GDPD4: variants seen among roughly 807,000 people sequenced by gnomAD.
GDPD4 encodes the protein glycerophosphodiester phosphodiesterase 6.
GDPD4 carries 60 observed loss-of-function variants against 67.8 expected under a neutral mutation model. The observed-to-expected ratio is 0.88, with a 90% CI of 0.72 to 1.10. The LOEUF is 1.10. Among genes scored for constraint, GDPD4 ranks in the 50% least tolerant of loss-of-function variants. The probability of loss-of-function intolerance (pLI) is 0.00; values close to 1 mark genes in which losing one functional copy is unlikely to be tolerated. For missense variants in GDPD4, 623 were observed against 613.9 expected, an observed-to-expected ratio of 1.01 and a Z score of -0.16; for synonymous variants, 212 against 210.9, an observed-to-expected ratio of 1.00 and a Z score of -0.04.
intron 13 of GDPD4, among the ~76,000 whole-genome samples, chr11:77,237,259 T>C (rs969054159): frequency 5.3e-5 from 8 of 152,190 alleles, no homozygotes; most frequent in Admixed American, 1.3e-4. Flanking sequence ...ACAATCAATG[T>C]CTCTCCTTGC....
At chr11:77,263,180 CAAAAG>C (rs1293023694) in intron 10 of GDPD4, among the ~76,000 whole-genome samples, 3 of 152,028 alleles carry the variant, frequency 2.0e-5, no homozygotes, top group Non-Finnish European at 2.9e-5. Context: ...TGGATCTACA[CAAAAG>C]AATAGTGCCA....
At chr11:77,245,809 G>C (rs914932605) in intron 11 of GDPD4, among the ~76,000 whole-genome samples, 1 of 152,072 alleles carries the variant, frequency 6.6e-6, no homozygotes, top group African/African-American at 2.4e-5. Flanking sequence ...TCCCTTTTCA[G>C]TCACGCTGGC....
At chr11:77,257,322 T>G (rs910902874) in intron 11 of GDPD4, among the ~76,000 whole-genome samples, 11 of 152,192 alleles carry the variant, frequency 7.2e-5, no homozygotes, top group African/African-American at 2.7e-4. Context: ...TTGTTTTGTT[T>G]TCTTTAATCT....
chr11:77,284,345 CAT>C (rs1356092154), intron 3 of GDPD4, among the ~76,000 whole-genome samples: 3 of 151,942 alleles, frequency 2.0e-5, no homozygotes, highest in Non-Finnish European at 2.9e-5. Context: ...TAAAAATAAA[CAT>C]AGAAAAATAT....
At chr11:77,243,631 T>G (rs1958716635) in intron 13 of GDPD4, 63 bp downstream of exon 13, 1 of 1,347,546 alleles carries the variant, frequency 7.4e-7, no homozygotes, top group Non-Finnish European at 1.1e-6. Flanking sequence ...GAAGTTTAAT[T>G]AGAATGTGTA....
chr11:77,254,874 C>A (rs9634031), intron 11 of GDPD4, among the ~76,000 whole-genome samples: 38,907 of 152,066 alleles, frequency 0.26, 6,111 homozygotes, highest in South Asian at 0.43. Flanking sequence ...TAATCATACC[C>A]AACCAATAAA....
intron 13 of GDPD4, among the ~76,000 whole-genome samples, chr11:77,234,960 A>G (rs773272205): frequency 2.1e-5 from 3 of 140,716 alleles, no homozygotes; most frequent in Non-Finnish European, 4.6e-5. Context: ...TTACATTCCC[A>G]CCAACAGTGT....
chr11:77,266,425 A>G (rs1183848371), intron 10 of GDPD4, among the ~76,000 whole-genome samples: 4 of 152,218 alleles, frequency 2.6e-5, no homozygotes, highest in African/African-American at 9.7e-5. Context: ...ACAACTACAG[A>G]TAATACATAA....
intron 10 of GDPD4, among the ~76,000 whole-genome samples, chr11:77,260,261 G>A (rs1393514147): frequency 1.3e-5 from 2 of 148,888 alleles, no homozygotes; most frequent in South Asian, 2.1e-4. Context: ...AGACAAAATC[G>A]CGCCATTGGA....
At chr11:77,245,901 T>A (rs1958773187) in intron 11 of GDPD4, among the ~76,000 whole-genome samples, 1 of 152,208 alleles carries the variant, frequency 6.6e-6, no homozygotes, top group African/African-American at 2.4e-5. Context: ...TAATACCAGC[T>A]CTACCCCTCC....
chr11:77,232,636 C>T (rs571314286), intron 14 of GDPD4, among the ~76,000 whole-genome samples: 1 of 152,274 alleles, frequency 6.6e-6, no homozygotes, highest in South Asian at 2.1e-4. Flanking sequence ...TGTTGCCATG[C>T]CTCTACAAAG....
At chr11:77,231,104 C>CA (rs1345006884) in intron 14 of GDPD4, among the ~76,000 whole-genome samples, 9 of 152,158 alleles carry the variant, frequency 5.9e-5, no homozygotes, top group Admixed American at 5.9e-4. Context: ...ACCACCTAGC[C>CA]ATCAGCCAGA....
At chr11:77,268,425 C>A (rs1057361471) in intron 10 of GDPD4, 32 bp downstream of exon 10, 1 of 1,472,890 alleles carries the variant, frequency 6.8e-7, no homozygotes, top group Non-Finnish European at 9.5e-7. Flanking sequence ...CTTATACCCT[C>A]CTCCCCTCAC....
At chr11:77,265,261 G>C (rs1046707051) in intron 10 of GDPD4, among the ~76,000 whole-genome samples, 3 of 152,012 alleles carry the variant, frequency 2.0e-5, no homozygotes, top group East Asian at 1.9e-4. Flanking sequence ...AACCTAGAAG[G>C]GTAGACCAAT....
chr11:77,281,050 C>T (rs1959732689), intron 3 of GDPD4, among the ~76,000 whole-genome samples: 1 of 152,210 alleles, frequency 6.6e-6, no homozygotes, highest in African/African-American at 2.4e-5. Context: ...TCTCTCCGCT[C>T]TGGACCATTG....
At position 77,218,511 on chromosome 11, in the gene GDPD4, G is replaced by A. The variant is rs545131744; in HGVS notation, c.1526-1197C>T. 5.3e-5 allele frequency among the ~76,000 whole-genome samples: 8 copies of A among 152,180 alleles called. No homozygotes were observed. The South Asian group carries it at 1.0e-3, about 20-fold the overall frequency. On this transcript the variant is annotated intron_variant, in intron 16 of 16. Transcript: ENST00000315938. The stretch of plus-strand genomic sequence containing the variant: ...CCCATCAACTCGTCATTTACATTAG[G>A]TATTTCTCCTAATGCTATCCCTCCC...
chr11:77,285,200 A>G lies in GDPD4; in HGVS notation c.-50-13T>C. On this transcript the variant is annotated splice_polypyrimidine_tract_variant and intron_variant, in intron 2 of 16. Transcript: ENST00000315938. ...ATAATTGCTCTTTCTGGGAAAAGAAAAAAGAAATCTAACTTAGCTCCATTT... is the reference window on the plus strand; with the variant it reads ...ATAATTGCTCTTTCTGGGAAAAGAAGAAAGAAATCTAACTTAGCTCCATTT... 1 of 1,314,200 alleles carries G rather than the reference A, an allele frequency of 7.6e-7. No individual in the cohort carries two copies. The allele number at this position is 1,314,200 out of a possible 1,614,324, so 81.4% of individuals were successfully genotyped here.
intron 1 of GDPD4, among the ~76,000 whole-genome samples, chr11:77,289,029 GAGGGGAGGGA>G (rs1333659204): frequency 6.6e-6 from 1 of 151,584 alleles, no homozygotes; most frequent in African/African-American, 2.4e-5. Context: ...GAGGGGAGGG[GAGGGGAGGGA>G]AGCGGGAGAG....
intron 1 of GDPD4, among the ~76,000 whole-genome samples, chr11:77,292,789 A>G (rs889240169): frequency 2.0e-5 from 3 of 152,210 alleles, no homozygotes; most frequent in African/African-American, 4.8e-5. Context: ...TAGAGACATC[A>G]AAAGAGTAGC....
Sources: gnomAD v4.1 joint callset for allele counts (sites outside exome capture counted in the v4.1 genomes callset) on GRCh38, gnomAD v4.1.1 for gene constraint, MANE v1.5 for transcripts, NCBI Gene and HGNC (gene_info 2026-07-23, HGNC 2026-07-21) for gene names.